The following ARIH2 variants were observed in gnomAD, a reference collection of about 807,000 sequenced individuals.
ARIH2 encodes the protein E3 ubiquitin-protein ligase ARIH2.
In ARIH2, 12 loss-of-function variants were observed where a neutral mutation model predicts 79.8. That is an observed-to-expected ratio of 0.15 (90% CI 0.10 to 0.24). ARIH2 has a LOEUF of 0.24. ARIH2 is among the 10% of genes least tolerant of loss of function. ARIH2 has a pLI of 1.00. For missense variants in ARIH2, 301 were observed against 618.3 expected, an observed-to-expected ratio of 0.49 and a Z score of 5.44; for synonymous variants, 224 against 213.9, an observed-to-expected ratio of 1.05 and a Z score of -0.41.
intron 3 of ARIH2, among the ~76,000 whole-genome samples, chr3:48,954,883 T>C (rs1208045393): frequency 6.6e-6 from 1 of 152,196 alleles, no homozygotes; most frequent in Non-Finnish European, 1.5e-5. Flanking sequence ...TTTCCTCAGT[T>C]AATGTTTCTA....
In ARIH2 at chr3:48,984,672, A is replaced by T. The variant is rs2092857383; in HGVS notation, c.*1402A>T. On this transcript the variant is annotated 3_prime_UTR_variant, in exon 16 of 16. Coordinates refer to ENST00000356401, the MANE Select transcript of ARIH2 (RefSeq NM_006321.4). ...TCAATGCTTCCACTCTAGGGCAGGC[A>T]GAGCAGTCTATACTCTCCCAAGCCT... 6.6e-6 allele frequency: 1 copy of T among 152,188 alleles called. No individual in the cohort carries two copies. Among genetic ancestry groups the T allele is most frequent in the Non-Finnish European group, 1.5e-5 (1 of 68,042 alleles). 9.4% of individuals were successfully genotyped at this position (152,188 alleles called of 1,614,324 possible). A position where few individuals can be genotyped will look rare whatever the true frequency, so the allele number is the denominator to read the frequency against.
chr3:48,942,634 A>G (rs915200344), intron 3 of ARIH2, among the ~76,000 whole-genome samples: 7 of 144,382 alleles, frequency 4.8e-5, no homozygotes, highest in African/African-American at 1.8e-4. Context: ...GCCTGCCACC[A>G]TGCCCGGCTA....
chr3:48,974,918 G>A, intron 10 of ARIH2, 40 bp from the exon 11 acceptor site: 1 of 1,614,070 alleles, frequency 6.2e-7, no homozygotes, highest in East Asian at 2.2e-5. Flanking sequence ...GCTTTGGTCA[G>A]TGTGCCCTTA....
Position 48,919,125 on chromosome 3 carries a change from C to G in ARIH2, c.-162+127C>G, listed in dbSNP as rs1470619721. 4 of 1,291,928 alleles carry G rather than the reference C, an allele frequency of 3.1e-6. No individual in the cohort carries two copies. The South Asian group carries it at 9.0e-5, about 29-fold the overall frequency. The allele number at this position is 1,291,928 out of a possible 1,614,324, so 80.0% of individuals were successfully genotyped here. A position where few individuals can be genotyped will look rare whatever the true frequency, so the allele number is the denominator to read the frequency against. ...TCGCCCGGGAGGCCCGGGCGCTCCC[C>G]GTCGCCGGCACGTTGTCCGAGCATT... On this transcript the variant is annotated intron_variant, in intron 1 of 15. Coordinates refer to ENST00000356401, the MANE Select transcript of ARIH2 (RefSeq NM_006321.4).
At chr3:48,964,166 G>A (rs1052213722) in intron 4 of ARIH2, among the ~76,000 whole-genome samples, 20 of 152,072 alleles carry the variant, frequency 1.3e-4, no homozygotes, top group Middle Eastern at 6.8e-3. Context: ...AAGTAGCTGG[G>A]ATTACAGGCA....
intron 3 of ARIH2, among the ~76,000 whole-genome samples, chr3:48,948,373 A>C (rs1321629462): frequency 1.3e-5 from 2 of 151,952 alleles, no homozygotes; most frequent in African/African-American, 4.8e-5. Context: ...GGTTCAAGCG[A>C]TTCTCCTGAC....
At chr3:48,977,369 G>A (rs1039475308) in intron 11 of ARIH2, among the ~76,000 whole-genome samples, 6 of 151,724 alleles carry the variant, frequency 4.0e-5, no homozygotes, top group African/African-American at 7.3e-5. Context: ...GCAGTGGTGC[G>A]ATCTCGGCTC....
chr3:48,978,484 T>TATA (rs369771222), intron 11 of ARIH2, among the ~76,000 whole-genome samples: 60 of 27,946 alleles, frequency 2.1e-3, no homozygotes, highest in African/African-American at 2.7e-3. Context: ...TATATATATA[T>TATA]TTTTTTTTTT....
At chr3:48,942,208 G>C (rs930857324) in intron 3 of ARIH2, among the ~76,000 whole-genome samples, 2 of 151,814 alleles carry the variant, frequency 1.3e-5, no homozygotes, top group Non-Finnish European at 2.9e-5. Context: ...CCGCCACCAC[G>C]CCCAGGTAAT....
intron 3 of ARIH2, among the ~76,000 whole-genome samples, chr3:48,945,628 C>T (rs983200040): frequency 6.6e-6 from 1 of 152,066 alleles, no homozygotes; most frequent in Non-Finnish European, 1.5e-5. Flanking sequence ...ATTTTAAGTT[C>T]TTTGTGGTCA....
At chr3:48,925,145 G>T (rs560844755) in intron 2 of ARIH2, 3 of 145,962 alleles carry the variant, frequency 2.1e-5, no homozygotes, top group Admixed American at 7.0e-5. Flanking sequence ...ACGGAGTCTC[G>T]CTCTGTCGCC....
chr3:48,926,017 C>T (rs1221533186), intron 2 of ARIH2, among the ~76,000 whole-genome samples: 2 of 152,094 alleles, frequency 1.3e-5, no homozygotes, highest in Non-Finnish European at 2.9e-5. Context: ...CGCACCTGGC[C>T]TAGTTTTAGA....
chr3:48,984,153 TAAA>T lies in ARIH2; in HGVS notation c.*884_*886del, dbSNP rs1169991728. The T allele has an allele frequency of 6.6e-6, 1 of 152,632 alleles. No individual in the cohort carries two copies. The highest frequency in any genetic ancestry group is 1.9e-4 in the East Asian group (1 of 5,188). 9.5% of individuals were successfully genotyped at this position (152,632 alleles called of 1,614,324 possible). On this transcript the variant is annotated 3_prime_UTR_variant, in exon 16 of 16. Transcript: ENST00000356401. ...TTTGAAGGGAATTGTTCCTCCCAAATAAATTTGCTTTACCTTGGTCCTTTCTTT... is the reference window on the plus strand; with the variant it reads ...TTTGAAGGGAATTGTTCCTCCCAAATTTTGCTTTACCTTGGTCCTTTCTTT...
chr3:48,968,682 T>C, intron 7 of ARIH2, 27 bp downstream of exon 7: 1 of 1,597,424 alleles, frequency 6.3e-7, no homozygotes, highest in Non-Finnish European at 8.6e-7. Context: ...TTCTGCCCTC[T>C]GTCTTCCCGG....
chr3:48,979,314 A>T (rs2092669000), intron 11 of ARIH2, among the ~76,000 whole-genome samples, 168 bp from the exon 12 acceptor site: 1 of 152,228 alleles, frequency 6.6e-6, no homozygotes, highest in Non-Finnish European at 1.5e-5. Context: ...GGACAGTAGG[A>T]TGTGACAGGG....
chr3:48,976,970 G>A (rs1241483103), intron 11 of ARIH2, among the ~76,000 whole-genome samples: 1 of 152,082 alleles, frequency 6.6e-6, no homozygotes, highest in African/African-American at 2.4e-5. Context: ...GGAGGCCGAG[G>A]TGGGCGGATC....
chr3:48,978,013 T>TA (rs1009937691), intron 11 of ARIH2, among the ~76,000 whole-genome samples: 3 of 152,116 alleles, frequency 2.0e-5, no homozygotes, highest in Non-Finnish European at 2.9e-5. Flanking sequence ...ATAGGCCAGA[T>TA]ATAAAATCTA....
At chr3:48,939,674 C>T (rs2087744677) in intron 3 of ARIH2, among the ~76,000 whole-genome samples, 1 of 141,396 alleles carries the variant, frequency 7.1e-6, no homozygotes, top group Non-Finnish European at 1.5e-5. Flanking sequence ...AGGAGAATGG[C>T]GTGAACCTGG....
rs2091628698 is a variant in ARIH2 at position 48,964,971 on chromosome 3, C to T, written c.376C>T (p.Pro126Ser). 1 of 1,613,380 alleles carries T rather than the reference C, an allele frequency of 6.2e-7. No homozygotes were observed. Among genetic ancestry groups the T allele is most frequent in the Non-Finnish European group, 8.5e-7 (1 of 1,179,532 alleles). Residue 126 changes from proline to serine, a missense_variant, in exon 5 of 16, where the codon CCA becomes TCA. Around this residue, in one of 2 missense-constraint regions of ARIH2, gnomAD observed 223 missense variants for 349.4 expected, o/e 0.64. Coordinates refer to ENST00000356401, the MANE Select transcript of ARIH2 (RefSeq NM_006321.4). ...TGTTGAGGCTCGAGTTCAGCCTAATCCATCAAAACATGTGAGTGTCTATTA... is the reference window on the plus strand; with the variant it reads ...TGTTGAGGCTCGAGTTCAGCCTAATTCATCAAAACATGTGAGTGTCTATTA... ...LLVEARVQPN[P>S]SKHVPTSHPP...
Sources: gnomAD v4.1 joint callset for allele counts (sites outside exome capture counted in the v4.1 genomes callset) on GRCh38, gnomAD v4.1.1 for gene constraint, gnomAD v4.1.1 regional missense constraint, MANE v1.5 for transcripts, NCBI Gene and HGNC (gene_info 2026-07-23, HGNC 2026-07-21) for gene names.